The following PDE8A variants were observed in gnomAD, a reference collection of about 807,000 sequenced individuals.
PDE8A encodes the protein phosphodiesterase 8A.
A neutral mutation model predicts 105.0 loss-of-function variants in PDE8A; 59 were observed. The observed-to-expected ratio is 0.56, with a 90% confidence interval of 0.46 to 0.70. The LOEUF is 0.70. Ranked by LOEUF, PDE8A falls within the 30% of genes least tolerant of loss-of-function variation. The pLI is 0.00. For missense variants in PDE8A, 1,014 were observed against 1,045.9 expected, an observed-to-expected ratio of 0.97 and a Z score of 0.42; for synonymous variants, 355 against 371.9, an observed-to-expected ratio of 0.95 and a Z score of 0.52.
intron 2 of PDE8A, 107 bp downstream of exon 2, chr15:85,064,533 G>T: frequency 4.3e-6 from 3 of 704,664 alleles, no homozygotes; most frequent in Non-Finnish European, 7.4e-6. Context: ...AGATAATAGT[G>T]TTTGGACCAA....
At position 84,993,420 on chromosome 15, in the gene PDE8A, G is replaced by A. The variant is rs186272355; in HGVS notation, c.186+11072G>A. Among the ~76,000 whole-genome samples, 688 of 133,940 alleles carry A rather than the reference G, an allele frequency of 5.1e-3. 3 individuals are homozygous for A. The highest frequency in any genetic ancestry group is 0.019 in the African/African-American group (638 of 34,030). 87.9% of individuals were successfully genotyped at this position (133,940 alleles called of 152,430 possible). A position where few individuals can be genotyped will look rare whatever the true frequency, so the allele number is the denominator to read the frequency against. On this transcript the variant is annotated intron_variant, in intron 1 of 21. Transcript: ENST00000394553. ...ATCGCGCCACTGCAGTCCAGCCTGG[G>A]CGACAGAGCGAGACTCCATCTCAAA...
chr15:85,025,516 A>G (rs528177537), intron 1 of PDE8A, among the ~76,000 whole-genome samples: 67 of 152,242 alleles, frequency 4.4e-4, no homozygotes, highest in African/African-American at 1.5e-3. Flanking sequence ...CAGTTAACCA[A>G]TTACACTTAA....
chr15:85,108,994 C>T, intron 11 of PDE8A, 59 bp from the exon 12 acceptor site: 1 of 1,210,772 alleles, frequency 8.3e-7, no homozygotes, highest in Non-Finnish European at 1.2e-6. Flanking sequence ...GATTGGTAAC[C>T]TTCCTTAATA....
At chr15:85,049,567 C>A (rs915028752) in intron 1 of PDE8A, among the ~76,000 whole-genome samples, 33 of 152,146 alleles carry the variant, frequency 2.2e-4, no homozygotes, top group African/African-American at 8.0e-4. Context: ...TATGCATATA[C>A]CACATTTTAA....
At chr15:85,110,103 C>A (rs1365621645) in intron 12 of PDE8A, among the ~76,000 whole-genome samples, 1 of 152,210 alleles carries the variant, frequency 6.6e-6, no homozygotes. Context: ...TGTATGGTGC[C>A]TGGTAAGTAA....
intron 5 of PDE8A, 35 bp from the exon 6 acceptor site, chr15:85,083,521 T>C (rs766351383): frequency 2.1e-5 from 28 of 1,318,100 alleles, no homozygotes; most frequent in African/African-American, 7.2e-5. Context: ...AGAAGCACTT[T>C]TGTTTATCCA....
chr15:85,135,487 G>A (rs1378139049), intron 20 of PDE8A, among the ~76,000 whole-genome samples: 2 of 152,020 alleles, frequency 1.3e-5, no homozygotes, highest in Admixed American at 6.6e-5. Flanking sequence ...GTCCCATCTA[G>A]AAGAGCTGCT....
intron 3 of PDE8A, among the ~76,000 whole-genome samples, chr15:85,073,975 G>A (rs1367984484): frequency 6.6e-6 from 1 of 152,224 alleles, no homozygotes; most frequent in Non-Finnish European, 1.5e-5. Context: ...GGGTCTTCCA[G>A]CAGAGCCATG....
At chr15:85,041,788 T>C (rs2080812672) in intron 1 of PDE8A, among the ~76,000 whole-genome samples, 1 of 152,204 alleles carries the variant, frequency 6.6e-6, no homozygotes, top group African/African-American at 2.4e-5. Context: ...GGGCAGGCGA[T>C]GATTGTCCAA....
chr15:85,043,902 T>C (rs1049525372), intron 1 of PDE8A, among the ~76,000 whole-genome samples: 2 of 152,152 alleles, frequency 1.3e-5, no homozygotes, highest in Admixed American at 6.5e-5. Flanking sequence ...TTTCACCATA[T>C]TGGCCAGGCT....
chr15:85,000,214 T>C (rs879575043), intron 1 of PDE8A, among the ~76,000 whole-genome samples: 32 of 152,214 alleles, frequency 2.1e-4, no homozygotes, highest in Non-Finnish European at 3.4e-4. Context: ...AGACTTTTCT[T>C]GTTTTTCTTT....
rs114010912 is a variant in PDE8A at position 85,077,222 on chromosome 15, C to T, written c.546+435C>T. 3.3e-3 allele frequency among the ~76,000 whole-genome samples: 497 copies of T among 152,230 alleles called. 2 individuals are homozygous for T. The highest frequency in any genetic ancestry group is 0.011 in the African/African-American group (470 of 41,528). On this transcript the variant is annotated intron_variant, in intron 5 of 21. Coordinates refer to ENST00000394553, the MANE Select transcript of PDE8A (RefSeq NM_002605.3). ...ATGATGCTGACATGTATACATGCAA[C>T]TTTTTAAGCTAGTTCAAGGATTCTG...
rs1292178738 is a variant in PDE8A, at chr15:85,089,374, T to C, written c.672T>C (p.Ser224=). 6.3e-7 allele frequency: 1 copy of C among 1,596,868 alleles called. No individual in the cohort carries two copies. The highest frequency in any genetic ancestry group is 1.1e-5 in the South Asian group (1 of 89,808). Residue 224 remains serine (S), a synonymous_variant, in exon 7 of 22, where the codon AGT becomes AGC. Transcript: ENST00000394553. ...CAGTATTCACTGCATTAGAAAACAG[T>C]GAAGATGCAATTGAAATTACAAGCG... ...CNSVFTALEN[S]EDAIEITSED...
At chr15:85,023,329 C>T (rs2080459861) in intron 1 of PDE8A, among the ~76,000 whole-genome samples, 1 of 152,118 alleles carries the variant, frequency 6.6e-6, no homozygotes, top group African/African-American at 2.4e-5. Flanking sequence ...CTGCAAGGCT[C>T]TGTTATTTTT....
Position 85,075,876 on chromosome 15 carries a change from C to A in PDE8A, c.449C>A (p.Ser150Ter). ...AEALCRSIRSSKLSENTVIVG... is the reference protein window; with the variant it reads ...AEALCRSIRS ...TTTTTTTTAAGGTCTATCAGATCAT[C>A]AAAACTCTCAGAAAACACAGTTATT... Residue 150 changes from serine (S) to a stop codon, truncating the protein, a stop_gained, in exon 4 of 22, where the codon TCA (serine) becomes TAA (stop). Coordinates refer to ENST00000394553, the MANE Select transcript of PDE8A (RefSeq NM_002605.3). LOFTEE classifies it high-confidence loss of function. 6.4e-7 allele frequency: 1 copy of A among 1,563,304 alleles called. No individual in the cohort carries two copies. The highest frequency in any genetic ancestry group is 8.8e-7 in the Non-Finnish European group (1 of 1,140,598).
At chr15:85,011,784 C>T (rs887949639) in intron 1 of PDE8A, among the ~76,000 whole-genome samples, 10 of 152,210 alleles carry the variant, frequency 6.6e-5, no homozygotes, top group East Asian at 3.9e-4. Context: ...AGAAAATTTT[C>T]GCAACCTGCT....
intron 1 of PDE8A, among the ~76,000 whole-genome samples, chr15:85,010,751 G>C (rs2080226277): frequency 6.6e-6 from 1 of 152,202 alleles, no homozygotes. Context: ...TGGAGCCCCT[G>C]TGAGGTTGCA....
intron 1 of PDE8A, among the ~76,000 whole-genome samples, chr15:85,015,039 G>T (rs946313294): frequency 6.6e-6 from 1 of 152,092 alleles, no homozygotes; most frequent in Non-Finnish European, 1.5e-5. Flanking sequence ...TCTGGCCTTT[G>T]TGTCTGGTTT....
intron 1 of PDE8A, among the ~76,000 whole-genome samples, chr15:85,016,697 G>GT (rs2080330202): frequency 3.9e-5 from 6 of 152,186 alleles, no homozygotes; most frequent in Admixed American, 2.6e-4. Flanking sequence ...AAACTCAAAG[G>GT]TTTTTTCTTT....
Sources: gnomAD v4.1 joint callset for allele counts (sites outside exome capture counted in the v4.1 genomes callset) on GRCh38, gnomAD v4.1.1 for gene constraint, MANE v1.5 for transcripts, NCBI Gene and HGNC (gene_info 2026-07-23, HGNC 2026-07-21) for gene names.